The following TMEM182 variants were observed in gnomAD, a reference collection of about 807,000 sequenced individuals.
The protein encoded by TMEM182 is transmembrane protein 182.
Under a neutral mutation model 26.8 loss-of-function variants are expected in TMEM182, and 20 were observed. The observed-to-expected ratio is 0.75, with a 90% CI of 0.53 to 1.09. TMEM182 has a LOEUF of 1.09. Ranked by LOEUF, TMEM182 falls within the 50% of genes least tolerant of loss-of-function variation. TMEM182 has a pLI of 0.00. For synonymous variants in TMEM182, 109 were observed against 102.2 expected (o/e 1.07, Z -0.40); for missense variants, 277 against 275.5 (o/e 1.01, Z -0.04).
chr2:102,821,987 C>CAAAAA (rs57270388), downstream of TMEM182, among the ~76,000 whole-genome samples: 187 of 103,142 alleles, frequency 1.8e-3, no homozygotes, highest in African/African-American at 5.8e-3. Context: ...GACTCTGTCT[C>CAAAAA]AAAAAAAAAA....
intron 3 of TMEM182, among the ~76,000 whole-genome samples, chr2:102,795,722 G>A (rs930767432): frequency 8.5e-5 from 13 of 152,084 alleles, no homozygotes; most frequent in African/African-American, 2.9e-4. Context: ...GAATTTTAGA[G>A]TCTTTTCTTT....
At chr2:102,771,068 A>G (rs1680650551) in intron 3 of TMEM182, among the ~76,000 whole-genome samples, 1 of 152,126 alleles carries the variant, frequency 6.6e-6, no homozygotes, top group East Asian at 1.9e-4. Context: ...GTGTTCATGT[A>G]TGGGGATTCT....
chr2:102,765,367 G>A (rs535110587), intron 3 of TMEM182, among the ~76,000 whole-genome samples: 2 of 152,230 alleles, frequency 1.3e-5, no homozygotes, highest in African/African-American at 4.8e-5. Context: ...TTTTCCTCAG[G>A]ACACCTGTTT....
chr2:102,824,224 A>G (rs1042730574), intron 3 of TMEM182, among the ~76,000 whole-genome samples: 14 of 152,168 alleles, frequency 9.2e-5, no homozygotes, highest in Non-Finnish European at 4.4e-5. Context: ...ATGCTGATAG[A>G]TACTGCGGTT....
At chr2:102,780,048 GA>G (rs1206097368) in intron 3 of TMEM182, among the ~76,000 whole-genome samples, 35 of 148,458 alleles carry the variant, frequency 2.4e-4, no homozygotes, top group African/African-American at 8.6e-4. Context: ...TGCCATTGAA[GA>G]TTTTTTTTTT....
At chr2:102,775,731 C>G (rs1424535754) in intron 3 of TMEM182, among the ~76,000 whole-genome samples, 4 of 151,232 alleles carry the variant, frequency 2.6e-5, no homozygotes, top group Non-Finnish European at 5.9e-5. Flanking sequence ...CACAAGCATT[C>G]TTATACACCA....
chr2:102,839,468 T>TAA (rs1683307321), intron 3 of TMEM182, among the ~76,000 whole-genome samples: 1 of 146,598 alleles, frequency 6.8e-6, no homozygotes, highest in East Asian at 2.0e-4. Flanking sequence ...TATATATATA[T>TAA]ATAATATATA....
chr2:102,818,973 G>A (rs1297865874), downstream of TMEM182, among the ~76,000 whole-genome samples: 2 of 152,146 alleles, frequency 1.3e-5, no homozygotes, highest in African/African-American at 2.4e-5. Flanking sequence ...TTGGCATCCT[G>A]CACGGATTCT....
At chr2:102,802,429 G>A (rs1332308878) in intron 4 of TMEM182, among the ~76,000 whole-genome samples, 1 of 152,214 alleles carries the variant, frequency 6.6e-6, no homozygotes, top group Non-Finnish European at 1.5e-5. Flanking sequence ...CCTGTTTCCA[G>A]GAGAGTCAGT....
At chr2:102,822,482 T>C (rs111388436), downstream of TMEM182, among the ~76,000 whole-genome samples, 1,294 of 152,034 alleles carry the variant, frequency 8.5e-3, 20 homozygotes, top group African/African-American at 0.03. Context: ...GAGATGGAAG[T>C]GTGGAGGTGG....
At chr2:102,810,471 C>T (rs531538614) in intron 4 of TMEM182, among the ~76,000 whole-genome samples, 10 of 152,256 alleles carry the variant, frequency 6.6e-5, no homozygotes, top group East Asian at 3.9e-4. Flanking sequence ...CTAAATTTTA[C>T]GTGCCCTTTG....
intron 4 of TMEM182, among the ~76,000 whole-genome samples, chr2:102,808,079 G>A (rs1193925539): frequency 6.6e-6 from 1 of 152,122 alleles, no homozygotes; most frequent in East Asian, 1.9e-4. Flanking sequence ...ATCCTAAGAG[G>A]TTAATCAGCT....
chr2:102,781,366 A>G (rs572102403), intron 3 of TMEM182, among the ~76,000 whole-genome samples: 1 of 152,276 alleles, frequency 6.6e-6, no homozygotes, highest in South Asian at 2.1e-4. Flanking sequence ...GATGATTTGC[A>G]GTTTTTGAAC....
At chr2:102,761,578 C>A (rs1302208751), upstream of TMEM182, among the ~76,000 whole-genome samples, 1 of 152,178 alleles carries the variant, frequency 6.6e-6, no homozygotes, top group East Asian at 1.9e-4. Context: ...GTGAACTGTA[C>A]TGTGTTATGT....
chr2:102,827,787 G>A (rs144686931), intron 3 of TMEM182, among the ~76,000 whole-genome samples: 109 of 152,318 alleles, frequency 7.2e-4, no homozygotes, highest in African/African-American at 2.5e-3. Context: ...CAAAGATTTG[G>A]CTAATACGTA....
chr2:102,817,853 A>T (rs960257737), downstream of TMEM182, among the ~76,000 whole-genome samples: 6 of 152,162 alleles, frequency 3.9e-5, no homozygotes, highest in African/African-American at 1.4e-4. Context: ...GTTAAAAAAA[A>T]ATCAGTTATC....
chr2:102,821,481 C>T (rs1159422365), downstream of TMEM182, among the ~76,000 whole-genome samples: 1 of 152,174 alleles, frequency 6.6e-6, no homozygotes, highest in East Asian at 1.9e-4. Flanking sequence ...TGCCTGCTCC[C>T]TCTTTGCCTT....
chr2:102,797,697 T>G (rs965650563), intron 3 of TMEM182, 166 bp from the exon 4 acceptor site: 11 of 749,522 alleles, frequency 1.5e-5, no homozygotes, highest in African/African-American at 1.8e-5. Context: ...CAAGGTCATC[T>G]GATAAGATCT....
At chr2:102,766,447 A>G (rs1310441380) in intron 3 of TMEM182, among the ~76,000 whole-genome samples, 1 of 152,206 alleles carries the variant, frequency 6.6e-6, no homozygotes, top group Non-Finnish European at 1.5e-5. Flanking sequence ...AACTTTGTCA[A>G]TCACTTTAGG....
Sources: allele counts gnomAD v4.1 joint callset (sites outside exome capture counted in the v4.1 genomes callset), GRCh38; gene constraint gnomAD v4.1.1; transcripts MANE v1.5; gene names NCBI Gene and HGNC (gene_info 2026-07-23, HGNC 2026-07-21).